Variants in RFPL1 observed in about 807,000 individuals in gnomAD.
RFPL1 encodes the protein ret finger protein like 1.
In RFPL1, 6 loss-of-function variants were observed where a neutral mutation model predicts 9.6. The ratio of observed to expected loss-of-function variants is 0.62; its 90% CI spans 0.34 to 1.23. The LOEUF is 1.23. Among genes scored for constraint, RFPL1 ranks in the 50% most tolerant of loss-of-function variants. The pLI, the probability that RFPL1 is intolerant of heterozygous loss-of-function variation, is 0.03. For missense variants in RFPL1, 352 were observed against 398.4 expected (o/e 0.88, Z 0.99); for synonymous variants, 145 against 149.4 (o/e 0.97, Z 0.22).
chr22:29,403,162 GA>G, the RFPL1 span, among the ~76,000 whole-genome samples: 1 of 152,182 alleles, frequency 6.6e-6, no homozygotes, highest in Non-Finnish European at 1.5e-5. Flanking sequence ...TAGACATAGA[GA>G]GATCCCATCT....
the RFPL1 span, among the ~76,000 whole-genome samples, chr22:29,409,313 C>T: frequency 6.0e-4 from 91 of 152,240 alleles, no homozygotes; most frequent in South Asian, 8.5e-3. Flanking sequence ...TAGTACAGTG[C>T]TTTTCTGTAT....
At chr22:29,393,305 G>A in the RFPL1 span, among the ~76,000 whole-genome samples, 1 of 152,156 alleles carries the variant, frequency 6.6e-6, no homozygotes, top group Non-Finnish European at 1.5e-5. Context: ...AGACCAGTGG[G>A]TAGAACTGAT....
chr22:29,425,742 G>T, the RFPL1 span, among the ~76,000 whole-genome samples: 2 of 152,076 alleles, frequency 1.3e-5, no homozygotes, highest in Non-Finnish European at 2.9e-5. Context: ...CGCGGTGGGT[G>T]GATCACCTGA....
At chr22:29,397,064 C>T in the RFPL1 span, among the ~76,000 whole-genome samples, 5 of 151,710 alleles carry the variant, frequency 3.3e-5, no homozygotes, top group African/African-American at 9.7e-5. Context: ...CCTGCCACCG[C>T]GCCCGGCTAA....
At chr22:29,410,479 T>TATATCTATATATAGATATAA in the RFPL1 span, among the ~76,000 whole-genome samples, 2 of 108,980 alleles carry the variant, frequency 1.8e-5, no homozygotes, top group African/African-American at 7.3e-5. Context: ...TATAGATATA[T>TATATCTATATATAGATATAA]ATATTGTAGA....
chr22:29,409,162 C>A, the RFPL1 span, among the ~76,000 whole-genome samples: 1 of 152,140 alleles, frequency 6.6e-6, no homozygotes, highest in Admixed American at 6.5e-5. Flanking sequence ...TATATTTACA[C>A]GGTTGTGCAA....
At chr22:29,401,794 C>T in the RFPL1 span, among the ~76,000 whole-genome samples, 1 of 152,172 alleles carries the variant, frequency 6.6e-6, no homozygotes. Flanking sequence ...CAGTGACTCT[C>T]GTTTCCAGAA....
the RFPL1 span, among the ~76,000 whole-genome samples, chr22:29,431,525 G>C: frequency 0.011 from 1,620 of 152,254 alleles, 31 homozygotes; most frequent in African/African-American, 0.038. Flanking sequence ...TTTTGCAGGG[G>C]ATAGGGGTGT....
At chr22:29,433,969 G>T (rs2062796529), upstream of RFPL1, among the ~76,000 whole-genome samples, 1 of 151,706 alleles carries the variant, frequency 6.6e-6, no homozygotes, top group South Asian at 2.1e-4. Flanking sequence ...ATTGGACTAG[G>T]CTGGTTGAGA....
the RFPL1 span, among the ~76,000 whole-genome samples, chr22:29,406,048 G>A: frequency 7.6e-6 from 1 of 130,814 alleles, no homozygotes; most frequent in Non-Finnish European, 1.6e-5. Flanking sequence ...AGCAGAGCTT[G>A]CAGTGAGCCG....
upstream of RFPL1, among the ~76,000 whole-genome samples, chr22:29,435,539 A>C (rs1252674152): frequency 2.0e-5 from 3 of 152,138 alleles, no homozygotes; most frequent in African/African-American, 7.2e-5. Context: ...GCAAACCCCA[A>C]ATGATTGCTT....
upstream of RFPL1, chr22:29,438,534 C>T (rs2062820303): frequency 7.8e-7 from 1 of 1,281,016 alleles, no homozygotes; most frequent in Admixed American, 3.2e-5. Flanking sequence ...TGGGGTTCCC[C>T]TAGGAGGAGG....
chr22:29,420,897 T>A, the RFPL1 span, among the ~76,000 whole-genome samples: 2 of 152,048 alleles, frequency 1.3e-5, no homozygotes, highest in African/African-American at 4.8e-5. Context: ...TGCCTTGGCC[T>A]CCCAAAGTGC....
At chr22:29,408,643 C>A in the RFPL1 span, among the ~76,000 whole-genome samples, 1 of 152,114 alleles carries the variant, frequency 6.6e-6, no homozygotes, top group African/African-American at 2.4e-5. Flanking sequence ...AAGTGAGTAT[C>A]ATTTTTGACT....
chr22:29,388,917 A>G, the RFPL1 span, among the ~76,000 whole-genome samples: 1 of 152,112 alleles, frequency 6.6e-6, no homozygotes, highest in Non-Finnish European at 1.5e-5. Context: ...TCTGTTGCTC[A>G]AGCTAGAGTG....
the RFPL1 span, among the ~76,000 whole-genome samples, chr22:29,411,676 C>T: frequency 6.6e-6 from 1 of 152,108 alleles, no homozygotes; most frequent in African/African-American, 2.4e-5. Context: ...GAAGAGGAGC[C>T]CACATTTGCA....
exon 2 of RFPL1, chr22:29,441,833 A>G: frequency 5.0e-6 from 8 of 1,613,976 alleles, no homozygotes; most frequent in Non-Finnish European, 6.8e-6. Context: ...AGTTTGAGGG[A>G]TGGAAGCCGC....
At chr22:29,393,988 G>C in the RFPL1 span, among the ~76,000 whole-genome samples, 1 of 151,632 alleles carries the variant, frequency 6.6e-6, no homozygotes, top group South Asian at 2.1e-4. Flanking sequence ...ATTTTTATTT[G>C]TTTTAGAGAT....
At chr22:29,423,218 T>G in the RFPL1 span, 10 of 1,188,444 alleles carry the variant, frequency 8.4e-6, no homozygotes, top group Non-Finnish European at 1.3e-5. Context: ...GGGGTGACTT[T>G]CAGTTATGCT....
Sources: gnomAD v4.1 joint callset for allele counts (sites outside exome capture counted in the v4.1 genomes callset) on GRCh38, gnomAD v4.1.1 for gene constraint, MANE v1.5 for transcripts, NCBI Gene and HGNC (gene_info 2026-07-23, HGNC 2026-07-21) for gene names.